SELENOF: variants seen among roughly 807,000 people sequenced by gnomAD.
SELENOF encodes the protein 15 kDa selenoprotein.
In SELENOF, 16 loss-of-function variants were observed where a neutral mutation model predicts 20.5. The observed-to-expected ratio is 0.78, with a 90% CI of 0.53 to 1.19. The LOEUF (loss-of-function observed/expected upper bound fraction) is 1.19. Among genes scored for constraint, SELENOF ranks in the 50% most tolerant of loss-of-function variants. The pLI, the probability that SELENOF is intolerant of heterozygous loss-of-function variation, is 0.00. For missense variants in SELENOF, 215 were observed against 194.2 expected, an observed-to-expected ratio of 1.11 and a Z score of -0.64; for synonymous variants, 78 against 74.5, an observed-to-expected ratio of 1.05 and a Z score of -0.24.
chr1:86,887,040 T>C, intron 2 of SELENOF: 38 of 1,170,866 alleles, frequency 3.2e-5, no homozygotes, highest in Non-Finnish European at 4.1e-5. Flanking sequence ...GTCAGCGAAT[T>C]CTCAGGGAAA....
intron 3 of SELENOF, among the ~76,000 whole-genome samples, chr1:86,877,941 G>T (rs1028916420): frequency 6.6e-6 from 1 of 151,858 alleles, no homozygotes; most frequent in African/African-American, 2.4e-5. Flanking sequence ...ACAAAATTAG[G>T]GACAAACCAC....
rs529379734 is a variant in SELENOF at position 86,871,946 on chromosome 1, A to G, written c.317-3844T>C. 5.9e-5 allele frequency among the ~76,000 whole-genome samples: 9 copies of G among 152,248 alleles called. No individual in the cohort carries two copies. The South Asian group carries it at 1.9e-3, about 32-fold the overall frequency. On this transcript the variant is annotated intron_variant, in intron 3 of 4. Coordinates refer to ENST00000331835, the MANE Select transcript of SELENOF (RefSeq NM_004261.5). ...AATGGAGCTTATGGCAACCTTAAAGAGACTTTTTTTTTTCTTTTAAAAGAT... is the reference window on the plus strand; with the variant it reads ...AATGGAGCTTATGGCAACCTTAAAGGGACTTTTTTTTTTCTTTTAAAAGAT...
At chr1:86,913,870 C>T in intron 1 of SELENOF, 158 bp downstream of exon 1, 1 of 665,734 alleles carries the variant, frequency 1.5e-6, no homozygotes, top group Non-Finnish European at 2.7e-6. Flanking sequence ...GGAGAAGGAT[C>T]AACCGAGAAA....
At position 86,908,522 on chromosome 1, in the gene SELENOF, T is replaced by C. The variant is rs1163953053; in HGVS notation, c.85-5074A>G. On this transcript the variant is annotated intron_variant, in intron 1 of 4. Coordinates refer to ENST00000331835, the MANE Select transcript of SELENOF (RefSeq NM_004261.5). ...AGAGATGACAGCAACAAGATTCTAA[T>C]TCTGGCCTGCTCTCTATGCCCCTAA... 1.6e-4 allele frequency among the ~76,000 whole-genome samples: 25 copies of C among 152,238 alleles called. 1 individual carries two copies. Among genetic ancestry groups the C allele is most frequent in the East Asian group, 1.9e-4 (1 of 5,206 alleles).
intron 2 of SELENOF, among the ~76,000 whole-genome samples, chr1:86,897,000 AT>A: frequency 6.8e-6 from 1 of 148,054 alleles, no homozygotes; most frequent in Non-Finnish European, 1.5e-5. Flanking sequence ...ATTCATAAAC[AT>A]TTAAAAAAAA....
intron 2 of SELENOF, among the ~76,000 whole-genome samples, chr1:86,890,185 C>T (rs1313222907): frequency 6.6e-6 from 1 of 152,126 alleles, no homozygotes; most frequent in African/African-American, 2.4e-5. Context: ...TACTCTCATG[C>T]CTCTGTGCCT....
At chr1:86,904,814 C>CTT (rs1419196048) in intron 1 of SELENOF, among the ~76,000 whole-genome samples, 2 of 152,206 alleles carry the variant, frequency 1.3e-5, no homozygotes, top group African/African-American at 4.8e-5. Context: ...TCCTCCTTTA[C>CTT]TTTTCTCTTC....
intron 1 of SELENOF, among the ~76,000 whole-genome samples, chr1:86,909,134 A>C (rs1026756509): frequency 1.3e-5 from 2 of 152,136 alleles, no homozygotes; most frequent in African/African-American, 2.4e-5. Context: ...TCCCCCTTTA[A>C]TTCCTATGGA....
chr1:86,896,556 A>C (rs1659532265), intron 2 of SELENOF, among the ~76,000 whole-genome samples: 1 of 152,250 alleles, frequency 6.6e-6, no homozygotes, highest in Non-Finnish European at 1.5e-5. Flanking sequence ...CCCAGGAAAC[A>C]ATTTTAATCT....
At chr1:86,910,745 C>G (rs1324938337) in intron 1 of SELENOF, among the ~76,000 whole-genome samples, 1 of 151,490 alleles carries the variant, frequency 6.6e-6, no homozygotes, top group African/African-American at 2.4e-5. Flanking sequence ...CATGTACTTA[C>G]CAGCTAGAGT....
chr1:86,874,917 C>T (rs1658884728), intron 3 of SELENOF, among the ~76,000 whole-genome samples: 1 of 152,168 alleles, frequency 6.6e-6, no homozygotes, highest in South Asian at 2.1e-4. Flanking sequence ...AAAAGCTATT[C>T]AGTAATCAAA....
intron 3 of SELENOF, among the ~76,000 whole-genome samples, chr1:86,875,552 A>C (rs1658903760): frequency 6.6e-6 from 1 of 152,202 alleles, no homozygotes; most frequent in Non-Finnish European, 1.5e-5. Context: ...GAATTAGATA[A>C]ATTTAATAAA....
intron 2 of SELENOF, among the ~76,000 whole-genome samples, chr1:86,882,015 C>T (rs544552591): frequency 9.9e-5 from 15 of 151,996 alleles, no homozygotes; most frequent in African/African-American, 3.1e-4. Flanking sequence ...GGGCGGATCA[C>T]GAGGTCAAGA....
At position 86,899,934 on chromosome 1, in the gene SELENOF, C is replaced by T. The variant is rs1659643387; in HGVS notation, c.252+3347G>A. 2.0e-5 allele frequency among the ~76,000 whole-genome samples: 3 copies of T among 151,738 alleles called. No individual in the cohort carries two copies. The South Asian group carries it at 6.2e-4, about 32-fold the overall frequency. On this transcript the variant is annotated intron_variant, in intron 2 of 4. Coordinates refer to ENST00000331835, the MANE Select transcript of SELENOF (RefSeq NM_004261.5). ...GGGGTCGCGGCCGGGCAGAGGCGCT[C>T]CTCACATCCCACACGGGGCGGCGGG... is the stretch of plus-strand genomic sequence containing the variant.
At chr1:86,877,792 C>T (rs180982308) in intron 3 of SELENOF, among the ~76,000 whole-genome samples, 46 of 152,258 alleles carry the variant, frequency 3.0e-4, no homozygotes, top group East Asian at 2.3e-3. Flanking sequence ...AACACAGTGA[C>T]GTGCATTCGT....
chr1:86,883,916 T>C (rs1479301804), intron 2 of SELENOF, among the ~76,000 whole-genome samples: 1 of 152,146 alleles, frequency 6.6e-6, no homozygotes, highest in African/African-American at 2.4e-5. Context: ...ACCAAAAATA[T>C]TAGAAACATA....
chr1:86,883,477 CTAGTGTATAGTGTACGTACACTAAA>C (rs968300667), intron 2 of SELENOF, among the ~76,000 whole-genome samples: 2 of 151,284 alleles, frequency 1.3e-5, no homozygotes, highest in Admixed American at 1.3e-4. Context: ...TGTATGTACA[CTAGTGTATAGTGTACGTACACTAAA>C]TAGTGTATAG....
intron 3 of SELENOF, 83 bp downstream of exon 3, chr1:86,880,579 C>G: frequency 1.4e-6 from 1 of 694,866 alleles, no homozygotes; most frequent in Middle Eastern, 3.3e-4. Flanking sequence ...AATTCTTATT[C>G]CTGGGAATAT....
rs866098501 is a variant in SELENOF at position 86,866,305 on chromosome 1, G to C, written c.366+1748C>G. Reference sequence around the variant, plus strand: ...CATTCTTAAAAAGGAAGGAAATCCTGTCACACAATACAACATGGATGAACC... The same window carrying C: ...CATTCTTAAAAAGGAAGGAAATCCTCTCACACAATACAACATGGATGAACC... On this transcript the variant is annotated intron_variant, in intron 4 of 4. Coordinates refer to ENST00000331835, the MANE Select transcript of SELENOF (RefSeq NM_004261.5). 3.5e-5 allele frequency among the ~76,000 whole-genome samples: 5 copies of C among 144,370 alleles called. No individual in the cohort carries two copies. The South Asian group carries it at 1.2e-3, about 33-fold the overall frequency. The allele number at this position is 144,370 out of a possible 152,430, so 94.7% of individuals were successfully genotyped here. A position where few individuals can be genotyped will look rare whatever the true frequency, so the allele number is the denominator to read the frequency against.
Sources: gnomAD v4.1 joint callset for allele counts (sites outside exome capture counted in the v4.1 genomes callset) on GRCh38, gnomAD v4.1.1 for gene constraint, MANE v1.5 for transcripts, NCBI Gene and HGNC (gene_info 2026-07-23, HGNC 2026-07-21) for gene names.